Variants in PCDHGA9 observed in about 807,000 individuals in gnomAD.
PCDHGA9 encodes protocadherin gamma-A9.
A neutral mutation model predicts 62.5 loss-of-function variants in PCDHGA9; 37 were observed. That is an observed-to-expected ratio of 0.59 (90% CI 0.46 to 0.78). The LOEUF (loss-of-function observed/expected upper bound fraction) is 0.78. Ranked by LOEUF, PCDHGA9 falls within the 30% of genes least tolerant of loss-of-function variation. The pLI is 0.00. For missense variants in PCDHGA9, 1,138 were observed against 1,166.2 expected (o/e 0.98, Z 0.35); for synonymous variants, 459 against 484.6 (o/e 0.95, Z 0.69).
rs1347087103 is a variant in PCDHGA9 at position 141,409,851 on chromosome 5, T to C, written c.2424+4475T>C. 4 of 1,612,112 alleles carry C rather than the reference T, an allele frequency of 2.5e-6. No homozygotes were observed. In the Admixed American group the frequency reaches 6.7e-5, roughly 27 times the overall value. On this transcript the variant is annotated intron_variant, in intron 1 of 3. Transcript: ENST00000573521. ...CTCAGCGCCAACGTGAGCCTGCGCG[T>C]GTTGGTGGGAGACCGCAATGACAAC...
At chr5:141,440,841 A>G (rs1361003883) in intron 1 of PCDHGA9, 5 of 152,114 alleles carry the variant, frequency 3.3e-5, no homozygotes, top group Admixed American at 1.3e-4. Flanking sequence ...GTTGAAGCCA[A>G]TGACAACCCT....
At position 141,432,872 on chromosome 5, in the gene PCDHGA9, C is replaced by T; in HGVS notation, c.2424+27496C>T. On this transcript the variant is annotated intron_variant, in intron 1 of 3. Transcript: ENST00000573521. This position sits in a 1 kb window ranked among gnomAD's most constrained non-coding sequence, Gnocchi z 6.0. ...GGTGGCCGCGGTCTCCTGCGTCTTC[C>T]TGGCCTTCGTCATCTTGCTGCTGGC... is the stretch of plus-strand genomic sequence containing the variant. 1.9e-6 allele frequency: 3 copies of T among 1,614,192 alleles called. No homozygotes were observed. Among genetic ancestry groups the T allele is most frequent in the Non-Finnish European group, 2.5e-6 (3 of 1,180,018 alleles).
intron 1 of PCDHGA9, among the ~76,000 whole-genome samples, chr5:141,438,635 TAC>T (rs56854727): frequency 0.14 from 4,591 of 32,686 alleles, 460 homozygotes; most frequent in Middle Eastern, 0.21. Flanking sequence ...TATATATATA[TAC>T]ACACACACAC....
chr5:141,475,653 G>T (rs982063429), intron 1 of PCDHGA9, among the ~76,000 whole-genome samples: 2 of 152,238 alleles, frequency 1.3e-5, no homozygotes, highest in African/African-American at 2.4e-5. Context: ...CAAAGAAAGT[G>T]ATTCAAATGT....
At position 141,477,550 on chromosome 5, in the gene PCDHGA9, C is replaced by T. The variant is rs1262360790; in HGVS notation, c.2425-17257C>T. The T allele has an allele frequency of 4.3e-6, 7 of 1,614,178 alleles. No homozygotes were observed. The highest frequency in any genetic ancestry group is 5.9e-6 in the Non-Finnish European group (7 of 1,180,036). On this transcript the variant is annotated intron_variant, in intron 1 of 3. Transcript: ENST00000573521. This position sits in a 1 kb window ranked among gnomAD's most constrained non-coding sequence, Gnocchi z 4.9. ...ACCTCCCCGGGGCTCCAATACTAAACCTAAGTGTCTGGGACCCCGACGCCC... is the reference window on the plus strand; with the variant it reads ...ACCTCCCCGGGGCTCCAATACTAAATCTAAGTGTCTGGGACCCCGACGCCC...
At chr5:141,495,007 G>A in intron 2 of PCDHGA9, 142 bp downstream of exon 2, 4 of 1,522,158 alleles carry the variant, frequency 2.6e-6, no homozygotes, top group Non-Finnish European at 3.5e-6. Context: ...TTGGTGTGCG[G>A]GGGGCTGGCA....
chr5:141,483,872 T>A (rs1373802168), intron 1 of PCDHGA9, among the ~76,000 whole-genome samples: 1 of 152,080 alleles, frequency 6.6e-6, no homozygotes, highest in African/African-American at 2.4e-5. Context: ...CAGATCAGGA[T>A]GGATTTTTCT....
In PCDHGA9 at chr5:141,403,720, C is replaced by G. The variant is rs1266419119; in HGVS notation, c.768C>G (p.Pro256=). ...GAGTTAAAGTCCTTGAGAACGTGCC[C>G]CCAGGCACCTGGCTGCTTACTGCAA... ...IYRVKVLENV[P]PGTWLLTATA... is the part of the protein sequence containing the mutation. Residue 256 remains proline, a synonymous_variant, in exon 1 of 4, where the codon CCC becomes CCG. Coordinates refer to ENST00000573521, the MANE Select transcript of PCDHGA9 (RefSeq NM_018921.3). 1.2e-6 allele frequency: 2 copies of G among 1,613,874 alleles called. No homozygotes were observed. The highest frequency in any genetic ancestry group is 1.6e-4 in the Middle Eastern group (1 of 6,062).
chr5:141,478,657 G>A, intron 1 of PCDHGA9: 2 of 1,551,912 alleles, frequency 1.3e-6, no homozygotes, highest in Non-Finnish European at 1.7e-6. Flanking sequence ...TCCTGGTGAT[G>A]CATTCACACT....
rs376209053 is a variant in PCDHGA9, at chr5:141,410,666, T to A, written c.2424+5290T>A. On this transcript the variant is annotated intron_variant, in intron 1 of 3. Transcript: ENST00000573521. ...TGTGATTTATCTAATAGTCTACTAG[T>A]TTCTCATATTTTAGGCATACTACTT... is the stretch of plus-strand genomic sequence containing the variant. 2.6e-6 allele frequency: 4 copies of A among 1,565,890 alleles called. No homozygotes were observed. In the African/African-American group the frequency reaches 5.5e-5, roughly 21 times the overall value.
rs2099692694 is a variant in PCDHGA9, at chr5:141,489,817, GAGCTGGTGCTAGAGCAGC to G, written c.2425-4983_2425-4966del. On this transcript the variant is annotated intron_variant, in intron 1 of 3. Transcript: ENST00000573521. This position sits in a 1 kb window ranked among gnomAD's most constrained non-coding sequence, Gnocchi z 4.5. ...CCTAAAAGATGGGAAGCCATTCCCA[GAGCTGGTGCTAGAGCAGC>G]AGCTGGATCGTGAAGCCCAGGCAAG... 6 of 1,613,992 alleles carry G rather than the reference GAGCTGGTGCTAGAGCAGC, an allele frequency of 3.7e-6. No individual in the cohort carries two copies. Among genetic ancestry groups the G allele is most frequent in the Non-Finnish European group, 5.1e-6 (6 of 1,179,944 alleles).
chr5:141,415,102 A>G, intron 1 of PCDHGA9: 2 of 1,613,550 alleles, frequency 1.2e-6, no homozygotes, highest in Non-Finnish European at 8.5e-7. Flanking sequence ...AGACGCGCTC[A>G]AGCAAAGCCT....
chr5:141,455,047 C>T (rs2098811276), intron 1 of PCDHGA9, among the ~76,000 whole-genome samples: 1 of 150,004 alleles, frequency 6.7e-6, no homozygotes, highest in African/African-American at 2.5e-5. Context: ...CTCCTGACCT[C>T]GTGATCCGCC....
chr5:141,492,919 C>A (rs1019663003), intron 1 of PCDHGA9, among the ~76,000 whole-genome samples: 1 of 152,192 alleles, frequency 6.6e-6, no homozygotes, highest in Non-Finnish European at 1.5e-5. Context: ...ATGTGCCCAG[C>A]GATCTAGGGT....
Position 141,414,286 on chromosome 5 carries a change from G to A in PCDHGA9, c.2424+8910G>A, listed in dbSNP as rs2095728607. ...AGATTCACCTCTGGGAACAGTCGTA[G>A]CCCTTTTAAATGTGCATGATTTAGA... On this transcript the variant is annotated intron_variant, in intron 1 of 3. Coordinates refer to ENST00000573521, the MANE Select transcript of PCDHGA9 (RefSeq NM_018921.3). 1.9e-6 allele frequency: 3 copies of A among 1,613,586 alleles called. No individual in the cohort carries two copies. The highest frequency in any genetic ancestry group is 2.5e-6 in the Non-Finnish European group (3 of 1,179,770).
rs766083208 is a variant in PCDHGA9, at chr5:141,477,506, G to A, written c.2425-17301G>A. 1.9e-6 allele frequency: 3 copies of A among 1,614,028 alleles called. No homozygotes were observed. Among genetic ancestry groups the A allele is most frequent in the South Asian group, 2.2e-5 (2 of 91,076 alleles). ...ACAATCTTCTCAATCTTCCTACGAC[G>A]TTTACATTGAAGAAAACAACCTCCC... On this transcript the variant is annotated intron_variant, in intron 1 of 3. Transcript: ENST00000573521. This position sits in a 1 kb window ranked among gnomAD's most constrained non-coding sequence, Gnocchi z 4.9.
rs376526750 is a variant in PCDHGA9 at position 141,476,593 on chromosome 5, G to T, written c.2425-18214G>T. The T allele has an allele frequency of 8.5e-5, 138 of 1,614,104 alleles. No individual in the cohort carries two copies. The highest frequency in any genetic ancestry group is 1.1e-4 in the Non-Finnish European group (133 of 1,180,044). On this transcript the variant is annotated intron_variant, in intron 1 of 3. Transcript: ENST00000573521. The surrounding 1 kb of genome is among the most constrained non-coding windows in gnomAD (Gnocchi z 7.6). ...GGACGCGCTTTCCGCTCGAGAGCGCGCACGATCCCGATGTGGGAAGCAACT... is the reference window on the plus strand; with the variant it reads ...GGACGCGCTTTCCGCTCGAGAGCGCTCACGATCCCGATGTGGGAAGCAACT...
chr5:141,411,192 G>C (rs2095472836), intron 1 of PCDHGA9: 1 of 152,098 alleles, frequency 6.6e-6, no homozygotes, highest in African/African-American at 2.4e-5. Flanking sequence ...TGGCATCTAA[G>C]AAAACAAACA....
chr5:141,439,667 C>T (rs149776177), intron 1 of PCDHGA9, among the ~76,000 whole-genome samples: 2,012 of 152,292 alleles, frequency 0.013, 16 homozygotes, highest in Middle Eastern at 0.034. Context: ...TCATGGAATG[C>T]AAATCCAAGA....
Sources: allele counts gnomAD v4.1 joint callset (sites outside exome capture counted in the v4.1 genomes callset), GRCh38; gene constraint gnomAD v4.1.1; non-coding constraint Gnocchi (gnomAD v3.1); transcripts MANE v1.5; gene names NCBI Gene and HGNC (gene_info 2026-07-23, HGNC 2026-07-21).